The following CNTN4 variants were observed in gnomAD, a reference collection of about 807,000 sequenced individuals.
CNTN4 encodes contactin 4, also known as contactin-4.
Under a neutral mutation model 122.5 loss-of-function variants are expected in CNTN4, and 77 were observed. That is an observed-to-expected ratio of 0.63 (90% CI 0.52 to 0.76). The LOEUF (loss-of-function observed/expected upper bound fraction) is 0.76, where lower values mean the gene tolerates loss of function less well. Ranked by LOEUF, CNTN4 falls within the 30% of genes least tolerant of loss-of-function variation. CNTN4 has a pLI of 0.00. For synonymous variants in CNTN4, 512 were observed against 447.0 expected (o/e 1.15, Z -1.83); for missense variants, 1,256 against 1,259.1 (o/e 1.00, Z 0.04).
intron 3 of CNTN4, among the ~76,000 whole-genome samples, chr3:2,556,335 T>G (rs2078719376): frequency 2.0e-5 from 3 of 152,142 alleles, no homozygotes; most frequent in Admixed American, 2.0e-4. Context: ...ATACAAACGT[T>G]TAATTACACA....
chr3:2,645,687 T>C (rs2083085930), intron 4 of CNTN4, among the ~76,000 whole-genome samples: 1 of 152,208 alleles, frequency 6.6e-6, no homozygotes. Flanking sequence ...ACTGGGAATA[T>C]GTGAAAGATT....
At chr3:2,140,197 CCAGCCTCAGGTATGTCTTTATTAG>C (rs1167934821) in intron 2 of CNTN4, among the ~76,000 whole-genome samples, 1 of 152,092 alleles carries the variant, frequency 6.6e-6, no homozygotes, top group Non-Finnish European at 1.5e-5. Context: ...TATAAATTAC[CCAGCCTCAGGTATGTCTTTATTAG>C]CAGTGTGAGA....
At chr3:2,577,191 C>T (rs1048066529) in intron 4 of CNTN4, among the ~76,000 whole-genome samples, 1 of 152,140 alleles carries the variant, frequency 6.6e-6, no homozygotes, top group Non-Finnish European at 1.5e-5. Flanking sequence ...CTTGGAAGTC[C>T]TGCTCTTAGC....
chr3:2,544,603 A>C (rs2078168283), intron 3 of CNTN4, among the ~76,000 whole-genome samples: 1 of 151,884 alleles, frequency 6.6e-6, no homozygotes, highest in South Asian at 2.1e-4. Flanking sequence ...GTTTTGGGAG[A>C]TTGTGTGTCC....
chr3:2,977,687 A>G (rs1004661619), intron 13 of CNTN4, among the ~76,000 whole-genome samples: 2 of 152,142 alleles, frequency 1.3e-5, no homozygotes, highest in African/African-American at 4.8e-5. Context: ...AAGGGCTTCA[A>G]ACAAGGTCTA....
At position 3,036,919 on chromosome 3, in the gene CNTN4, A is replaced by G. The variant is rs9839494; in HGVS notation, c.1943-260A>G. Among the ~76,000 whole-genome samples the G allele has an allele frequency of 0.32, 48,909 of 152,106 alleles. 8,210 individuals carry two copies. The highest frequency in any genetic ancestry group is 0.37 in the Non-Finnish European group (25,156 of 67,966). On this transcript the variant is annotated intron_variant, in intron 17 of 24. Transcript: ENST00000418658. ...GGTGATAGTAATGATTGAGTCAGGT[A>G]GTTTGGGGTCTTGTGGACTGTGTGT...
intron 13 of CNTN4, among the ~76,000 whole-genome samples, chr3:2,929,483 G>T (rs1053087083): frequency 6.6e-6 from 1 of 152,124 alleles, no homozygotes; most frequent in African/African-American, 2.4e-5. Flanking sequence ...GATGCTTTTG[G>T]TTACAAGTAA....
At chr3:3,009,915 A>G (rs1697055483) in intron 14 of CNTN4, among the ~76,000 whole-genome samples, 1 of 151,240 alleles carries the variant, frequency 6.6e-6, no homozygotes, top group Non-Finnish European at 1.5e-5. Flanking sequence ...AACTCCCCAT[A>G]CCCACATTAA....
At chr3:2,883,055 A>C (rs2093930648) in intron 8 of CNTN4, 90 bp from the exon 9 acceptor site, 1 of 850,930 alleles carries the variant, frequency 1.2e-6, no homozygotes. Context: ...AATGATGTGT[A>C]TAAGCATTCT....
At chr3:2,806,024 C>T (rs1294173243) in intron 6 of CNTN4, among the ~76,000 whole-genome samples, 3 of 152,142 alleles carry the variant, frequency 2.0e-5, no homozygotes, top group Non-Finnish European at 2.9e-5. Flanking sequence ...GCCTCAGCCT[C>T]CCGAGTAGCT....
intron 8 of CNTN4, among the ~76,000 whole-genome samples, chr3:2,875,135 A>G (rs2093829265): frequency 6.6e-6 from 1 of 152,190 alleles, no homozygotes; most frequent in African/African-American, 2.4e-5. Flanking sequence ...GGCATGTACC[A>G]CCATACCCAG....
At chr3:2,681,393 G>T (rs1487649331) in intron 4 of CNTN4, among the ~76,000 whole-genome samples, 1 of 152,140 alleles carries the variant, frequency 6.6e-6, no homozygotes, top group East Asian at 1.9e-4. Flanking sequence ...AGCAGTGCAA[G>T]GGCACATGGG....
chr3:2,412,211 C>G, intron 3 of CNTN4, among the ~76,000 whole-genome samples: 1 of 151,968 alleles, frequency 6.6e-6, no homozygotes, highest in South Asian at 2.1e-4. Context: ...ATCTCTTCAT[C>G]CTCCTCCTAG....
At chr3:2,760,811 T>C (rs558752671) in intron 6 of CNTN4, among the ~76,000 whole-genome samples, 1 of 152,198 alleles carries the variant, frequency 6.6e-6, no homozygotes, top group East Asian at 1.9e-4. Flanking sequence ...ATCCACTGTT[T>C]CCCCAAATTT....
intron 7 of CNTN4, among the ~76,000 whole-genome samples, chr3:2,858,086 C>G (rs2093635004): frequency 1.3e-5 from 2 of 152,144 alleles, no homozygotes; most frequent in African/African-American, 4.8e-5. Flanking sequence ...AGACTGAGTG[C>G]CTGTTCCTCA....
intron 3 of CNTN4, among the ~76,000 whole-genome samples, chr3:2,452,710 A>G (rs1191643358): frequency 6.6e-6 from 1 of 152,110 alleles, no homozygotes; most frequent in Non-Finnish European, 1.5e-5. Flanking sequence ...GAGTTGGAAA[A>G]AGACAGGGAC....
intron 2 of CNTN4, among the ~76,000 whole-genome samples, chr3:2,257,617 G>A (rs1043259150): frequency 6.6e-6 from 1 of 152,072 alleles, no homozygotes; most frequent in Non-Finnish European, 1.5e-5. Context: ...TCAAAAAGTG[G>A]GCAAATGATA....
intron 2 of CNTN4, among the ~76,000 whole-genome samples, chr3:2,171,451 A>T (rs1201545599): frequency 6.6e-6 from 1 of 152,236 alleles, no homozygotes; most frequent in African/African-American, 2.4e-5. Context: ...TCAAGAATTA[A>T]GGGGATGAAA....
chr3:2,447,503 T>G (rs181937767), intron 3 of CNTN4, among the ~76,000 whole-genome samples: 1 of 152,268 alleles, frequency 6.6e-6, no homozygotes, highest in Non-Finnish European at 1.5e-5. Context: ...ATATTTTATG[T>G]GCTTGTTTAT....
Sources: allele counts gnomAD v4.1 joint callset (sites outside exome capture counted in the v4.1 genomes callset), GRCh38; gene constraint gnomAD v4.1.1; transcripts MANE v1.5; gene names NCBI Gene and HGNC (gene_info 2026-07-23, HGNC 2026-07-21).